SPAG16: variants seen among roughly 807,000 people sequenced by gnomAD.
The protein encoded by SPAG16 is sperm-associated antigen 16 protein.
Under a neutral mutation model 80.4 loss-of-function variants are expected in SPAG16, and 86 were observed. The ratio of observed to expected loss-of-function variants is 1.07; its 90% CI spans 0.90 to 1.28. The LOEUF is 1.28. SPAG16 is among the 50% of genes most tolerant of loss of function. The pLI, the probability that SPAG16 is intolerant of heterozygous loss-of-function variation, is 0.00. For synonymous variants in SPAG16, 294 were observed against 265.9 expected, an observed-to-expected ratio of 1.11 and a Z score of -1.03; for missense variants, 870 against 765.3, an observed-to-expected ratio of 1.14 and a Z score of -1.61.
At chr2:213,790,763 G>A (rs1172157139) in intron 10 of SPAG16, among the ~76,000 whole-genome samples, 2 of 152,008 alleles carry the variant, frequency 1.3e-5, no homozygotes, top group African/African-American at 2.4e-5. Flanking sequence ...AGCTTAAGAT[G>A]TAAGAGGTAA....
intron 8 of SPAG16, among the ~76,000 whole-genome samples, chr2:213,372,714 A>T (rs558623736): frequency 6.6e-6 from 1 of 152,176 alleles, no homozygotes; most frequent in South Asian, 2.1e-4. Flanking sequence ...CTGTTTCTCT[A>T]GGGTAAATTA....
intron 10 of SPAG16, among the ~76,000 whole-genome samples, chr2:213,603,947 A>G (rs998293506): frequency 6.7e-6 from 1 of 148,512 alleles, no homozygotes; most frequent in Non-Finnish European, 1.5e-5. Flanking sequence ...TTTTTGAGAT[A>G]GAGTCTCACT....
intron 7 of SPAG16, among the ~76,000 whole-genome samples, chr2:213,356,177 A>G (rs2065638705): frequency 6.6e-6 from 1 of 152,274 alleles, no homozygotes; most frequent in Middle Eastern, 3.4e-3. Flanking sequence ...ATTTTCATCG[A>G]TGTTCATCAG....
intron 9 of SPAG16, among the ~76,000 whole-genome samples, chr2:213,377,868 A>T (rs2066956219): frequency 6.9e-6 from 1 of 145,282 alleles, no homozygotes; most frequent in Non-Finnish European, 1.5e-5. Context: ...GAGGGATAGA[A>T]CTAATAGGAT....
At chr2:214,206,434 ATGT>A (rs1386359460) in intron 15 of SPAG16, among the ~76,000 whole-genome samples, 1 of 152,152 alleles carries the variant, frequency 6.6e-6, no homozygotes. Flanking sequence ...AGGCTCATCC[ATGT>A]TGCTGCAAAT....
intron 11 of SPAG16, among the ~76,000 whole-genome samples, chr2:213,897,174 T>A (rs6733141): frequency 0.59 from 89,570 of 151,950 alleles, 28,229 homozygotes; most frequent in South Asian, 0.84. Context: ...AAATTATTAT[T>A]TGTACCCTGA....
intron 7 of SPAG16, among the ~76,000 whole-genome samples, chr2:213,351,499 A>G (rs2065323556): frequency 6.6e-6 from 1 of 152,164 alleles, no homozygotes; most frequent in Non-Finnish European, 1.5e-5. Context: ...GGCCTAGGGT[A>G]GTGGGTGAGA....
intron 15 of SPAG16, among the ~76,000 whole-genome samples, chr2:214,353,992 A>G (rs912389058): frequency 6.6e-6 from 1 of 152,132 alleles, no homozygotes; most frequent in African/African-American, 2.4e-5. Context: ...AGATATACAC[A>G]AAGGATAAAT....
intron 13 of SPAG16, among the ~76,000 whole-genome samples, chr2:214,102,760 G>T (rs192304019): frequency 6.7e-6 from 1 of 149,794 alleles, no homozygotes; most frequent in South Asian, 2.1e-4. Flanking sequence ...TCGACTGAGG[G>T]GCATAAAGCA....
chr2:213,997,297 A>C (rs1007054515), intron 12 of SPAG16, among the ~76,000 whole-genome samples: 4 of 152,226 alleles, frequency 2.6e-5, no homozygotes, highest in Admixed American at 6.5e-5. Flanking sequence ...AGAAAATTAC[A>C]TACTGTTGGC....
intron 15 of SPAG16, among the ~76,000 whole-genome samples, chr2:214,254,533 A>C (rs1005665042): frequency 5.3e-5 from 8 of 152,108 alleles, no homozygotes; most frequent in African/African-American, 1.9e-4. Context: ...ATCTTAAAAC[A>C]ATCGGTCAGC....
intron 6 of SPAG16, among the ~76,000 whole-genome samples, chr2:213,347,142 A>T (rs1225643977): frequency 6.6e-6 from 1 of 152,022 alleles, no homozygotes; most frequent in African/African-American, 2.4e-5. Context: ...GAATTTATCC[A>T]TTTCTTCTAG....
At chr2:214,162,255 G>T (rs1359889350) in intron 15 of SPAG16, among the ~76,000 whole-genome samples, 5 of 152,090 alleles carry the variant, frequency 3.3e-5, no homozygotes, top group Non-Finnish European at 5.9e-5. Flanking sequence ...GAATGAGCAG[G>T]TCAAATGAAA....
At chr2:214,049,996 T>G (rs1346070730) in intron 13 of SPAG16, among the ~76,000 whole-genome samples, 1 of 152,210 alleles carries the variant, frequency 6.6e-6, no homozygotes, top group Non-Finnish European at 1.5e-5. Context: ...TATATTTCAT[T>G]CCTTTCAGTG....
chr2:214,257,394 A>C (rs900525864), intron 15 of SPAG16, among the ~76,000 whole-genome samples: 5 of 151,982 alleles, frequency 3.3e-5, no homozygotes, highest in Admixed American at 3.3e-4. Flanking sequence ...TGCGCTCTTA[A>C]GACCTCCAGT....
At chr2:213,880,434 T>C (rs2106025166) in intron 11 of SPAG16, among the ~76,000 whole-genome samples, 1 of 152,334 alleles carries the variant, frequency 6.6e-6, no homozygotes, top group South Asian at 2.1e-4. Flanking sequence ...GATTGCCTGT[T>C]TACTCTGTTG....
chr2:213,719,306 C>G (rs1285666863), intron 10 of SPAG16, among the ~76,000 whole-genome samples: 2 of 151,842 alleles, frequency 1.3e-5, no homozygotes, highest in Non-Finnish European at 2.9e-5. Context: ...CACTCTGTAT[C>G]TAGCTCAAGG....
chr2:213,996,063 G>A (rs1253696829), intron 12 of SPAG16, among the ~76,000 whole-genome samples: 1 of 152,198 alleles, frequency 6.6e-6, no homozygotes, highest in East Asian at 1.9e-4. Flanking sequence ...TCTGACTCCA[G>A]GTAGTTTCTG....
At chr2:213,341,323 G>A (rs915207069) in intron 6 of SPAG16, among the ~76,000 whole-genome samples, 3 of 152,142 alleles carry the variant, frequency 2.0e-5, no homozygotes, top group Non-Finnish European at 4.4e-5. Flanking sequence ...CCCGATAGCT[G>A]CGCGATTGCA....
Sources: gnomAD v4.1 joint callset for allele counts (sites outside exome capture counted in the v4.1 genomes callset) on GRCh38, gnomAD v4.1.1 for gene constraint, MANE v1.5 for transcripts, NCBI Gene and HGNC (gene_info 2026-07-23, HGNC 2026-07-21) for gene names.